The following EPS8 variants were observed in gnomAD, a reference collection of about 807,000 sequenced individuals.
EPS8 encodes epidermal growth factor receptor kinase substrate 8.
In EPS8, 42 loss-of-function variants were observed where a neutral mutation model predicts 103.8. That is an observed-to-expected ratio of 0.40 (90% CI 0.32 to 0.52). The LOEUF (loss-of-function observed/expected upper bound fraction) is 0.52, where lower values mean the gene tolerates loss of function less well. Ranked by LOEUF, EPS8 falls within the 20% of genes least tolerant of loss-of-function variation. The pLI, the probability that EPS8 is intolerant of heterozygous loss-of-function variation, is 0.40. For synonymous variants in EPS8, 344 were observed against 344.6 expected (o/e 1.00, Z 0.02); for missense variants, 969 against 1,005.1 (o/e 0.96, Z 0.49).
chr12:15,677,485 A>G (rs529047120), intron 3 of EPS8, among the ~76,000 whole-genome samples: 3 of 152,180 alleles, frequency 2.0e-5, no homozygotes, highest in Non-Finnish European at 4.4e-5. Flanking sequence ...CAGTGCGTAA[A>G]AAACAGTGTG....
intron 12 of EPS8, chr12:15,654,517 T>C (rs1463499326): frequency 1.8e-6 from 1 of 548,326 alleles, no homozygotes; most frequent in African/African-American, 1.9e-5. Context: ...TTAACAACTT[T>C]CACAGCATCT....
chr12:15,643,881 G>A (rs1237850586), intron 15 of EPS8, among the ~76,000 whole-genome samples: 1 of 151,982 alleles, frequency 6.6e-6, no homozygotes, highest in Non-Finnish European at 1.5e-5. Context: ...GCAGTAATTT[G>A]AGAACTTCTC....
In EPS8 at chr12:15,725,097, T is replaced by C. The variant is rs377455172; in HGVS notation, c.-21-42125A>G. Reference sequence around the variant, plus strand: ...GAAAAAAAAAAATCCACTTTCTTTTTCAAGGTAAATGTCATTCTGCATTCC... The same window carrying C: ...GAAAAAAAAAAATCCACTTTCTTTTCCAAGGTAAATGTCATTCTGCATTCC... On this transcript the variant is annotated intron_variant, in intron 1 of 20. Coordinates refer to ENST00000281172, the MANE Select transcript of EPS8 (RefSeq NM_004447.6). This position sits in a 1 kb window ranked among gnomAD's most constrained non-coding sequence, Gnocchi z 4.5. Among the ~76,000 whole-genome samples, 7 of 152,236 alleles carry C rather than the reference T, an allele frequency of 4.6e-5. No individual in the cohort carries two copies. The East Asian group carries it at 9.6e-4, about 21-fold the overall frequency.
At chr12:15,632,575 T>C (rs747453099) in intron 17 of EPS8, among the ~76,000 whole-genome samples, 3 of 152,234 alleles carry the variant, frequency 2.0e-5, no homozygotes, top group African/African-American at 7.2e-5. Context: ...GTTTAGATAC[T>C]GCACTGGCAC....
chr12:15,666,578 G>T, intron 6 of EPS8, 56 bp from the exon 7 acceptor site: 1 of 1,275,874 alleles, frequency 7.8e-7, no homozygotes, highest in Non-Finnish European at 1.1e-6. Flanking sequence ...GTCTTGATAT[G>T]TAGTTTAAAA....
chr12:15,643,082 T>A (rs2135760621), intron 15 of EPS8, among the ~76,000 whole-genome samples: 1 of 152,300 alleles, frequency 6.6e-6, no homozygotes, highest in South Asian at 2.1e-4. Flanking sequence ...CCTACTGGAA[T>A]AGCTCTGCTT....
At chr12:15,685,237 A>G (rs1362185083) in intron 1 of EPS8, among the ~76,000 whole-genome samples, 3 of 152,190 alleles carry the variant, frequency 2.0e-5, no homozygotes, top group Non-Finnish European at 2.9e-5. Context: ...AGGAAAGTCA[A>G]TTAAGCCTCT....
rs201331879 is a variant in EPS8, at chr12:15,681,305, GTAATAA to G, written c.60-9_60-4del. The G allele has an allele frequency of 2.0e-3, 2,164 of 1,082,266 alleles. 26 individuals carry two copies. The African/African-American group carries it at 0.029, about 15-fold the overall frequency. The allele number at this position is 1,082,266 out of a possible 1,614,324, so 67.0% of individuals were successfully genotyped here. A position where few individuals can be genotyped will look rare whatever the true frequency, so the allele number is the denominator to read the frequency against. On this transcript the variant is annotated splice_polypyrimidine_tract_variant and splice_region_variant and intron_variant, in intron 2 of 20. Transcript: ENST00000281172. ...AGGTAGGTGATGATCCGTAGCCACT[GTAATAA>G]TAATAATAATAATAATAATAATAAT...
At chr12:15,741,052 C>A (rs1946816056) in intron 1 of EPS8, among the ~76,000 whole-genome samples, 2 of 152,154 alleles carry the variant, frequency 1.3e-5, no homozygotes, top group Admixed American at 1.3e-4. Flanking sequence ...AAAGAAGACC[C>A]TACCCAGAGA....
In EPS8 at chr12:15,734,023, A is replaced by G. The variant is rs1032091732; in HGVS notation, c.-21-51051T>C. Among the ~76,000 whole-genome samples, 1 of 151,822 alleles carries G rather than the reference A, an allele frequency of 6.6e-6. No individual in the cohort carries two copies. Among genetic ancestry groups the G allele is most frequent in the Non-Finnish European group, 1.5e-5 (1 of 67,966 alleles). On this transcript the variant is annotated intron_variant, in intron 1 of 20. Coordinates refer to ENST00000281172, the MANE Select transcript of EPS8 (RefSeq NM_004447.6). This position sits in a 1 kb window ranked among gnomAD's most constrained non-coding sequence, Gnocchi z 4.1. The stretch of plus-strand genomic sequence containing the variant: ...CTCAGCTAATTTTTGTATTTTTTGT[A>G]GAGAAAGGGTCTCTCCATGTTGCCC...
chr12:15,740,113 A>G lies in EPS8; in HGVS notation c.-22+49048T>C, dbSNP rs149781957. 5.5e-3 allele frequency among the ~76,000 whole-genome samples: 842 copies of G among 152,296 alleles called. 9 individuals carry two copies. The highest frequency in any genetic ancestry group is 0.014 in the Middle Eastern group (4 of 294). ...GGAGCAGACTAGAAATCTTGTGAGC[A>G]AAACACTAGAAAAAAAAATCAAACT... On this transcript the variant is annotated intron_variant, in intron 1 of 20. Coordinates refer to ENST00000281172, the MANE Select transcript of EPS8 (RefSeq NM_004447.6).
intron 3 of EPS8, among the ~76,000 whole-genome samples, chr12:15,674,862 G>T (rs1334630066): frequency 7.2e-6 from 1 of 139,812 alleles, no homozygotes; most frequent in Non-Finnish European, 1.6e-5. Context: ...TAAAAAAAAA[G>T]ATTTCAATGT....
intron 12 of EPS8, 134 bp downstream of exon 12, chr12:15,657,945 G>A: frequency 4.7e-6 from 3 of 635,970 alleles, no homozygotes; most frequent in Non-Finnish European, 8.3e-6. Context: ...TTACATTCTT[G>A]ATGTTTACAC....
Position 15,776,878 on chromosome 12 carries a change from T to C in EPS8, c.-22+12283A>G, listed in dbSNP as rs573697971. Among the ~76,000 whole-genome samples the C allele has an allele frequency of 3.7e-4, 56 of 152,360 alleles. 2 individuals are homozygous for C. Among genetic ancestry groups the C allele is most frequent in the South Asian group, 2.3e-3 (11 of 4,830 alleles). On this transcript the variant is annotated intron_variant, in intron 1 of 20. Transcript: ENST00000281172. This position sits in a 1 kb window ranked among gnomAD's most constrained non-coding sequence, Gnocchi z 4.2. ...TTAGTTTGGAATCTTATTGAAAATT[T>C]CATATTTCCCAGTAATGATAGTTTG... is the stretch of plus-strand genomic sequence containing the variant.
chr12:15,707,132 T>C (rs1360402432), intron 1 of EPS8, among the ~76,000 whole-genome samples: 1 of 152,186 alleles, frequency 6.6e-6, no homozygotes, highest in Non-Finnish European at 1.5e-5. Flanking sequence ...AATATTACAC[T>C]TTACAGTACC....
In EPS8 at chr12:15,763,702, C is replaced by A. The variant is rs149820111; in HGVS notation, c.-22+25459G>T. ...ATATATGCACACGCTGCATGGCACT[C>A]TTCTTTCTCCATCCTGTTTATGAAA... On this transcript the variant is annotated intron_variant, in intron 1 of 20. Transcript: ENST00000281172. Among the ~76,000 whole-genome samples the A allele has an allele frequency of 2.5e-3, 384 of 152,316 alleles. 3 individuals are homozygous for A. Among genetic ancestry groups the A allele is most frequent in the African/African-American group, 7.7e-3 (319 of 41,556 alleles).
At chr12:15,675,122 T>C (rs1804430720) in intron 3 of EPS8, among the ~76,000 whole-genome samples, 1 of 152,208 alleles carries the variant, frequency 6.6e-6, no homozygotes, top group Non-Finnish European at 1.5e-5. Context: ...AAGAGTTGAA[T>C]CAAGCACTGT....
intron 17 of EPS8, among the ~76,000 whole-genome samples, chr12:15,633,546 C>A (rs1945084991): frequency 6.6e-6 from 1 of 152,164 alleles, no homozygotes; most frequent in South Asian, 2.1e-4. Context: ...CTGTCACAAT[C>A]AAGCCTGAAA....
rs1947325180 is a variant in EPS8 at position 15,787,742 on chromosome 12, T to A, written c.-22+1419A>T. On this transcript the variant is annotated intron_variant, in intron 1 of 20. Transcript: ENST00000281172. The surrounding 1 kb of genome is among the most constrained non-coding windows in gnomAD (Gnocchi z 4.9). ...ATTCTGCAATAAAGGCATTATATTA[T>A]CACTATTGCATTTGTGATACATTCT... Among the ~76,000 whole-genome samples the A allele has an allele frequency of 6.6e-6, 1 of 152,122 alleles. No individual in the cohort carries two copies. Among genetic ancestry groups the A allele is most frequent in the African/African-American group, 2.4e-5 (1 of 41,358 alleles).
Sources: allele counts gnomAD v4.1 joint callset (sites outside exome capture counted in the v4.1 genomes callset), GRCh38; gene constraint gnomAD v4.1.1; non-coding constraint Gnocchi (gnomAD v3.1); transcripts MANE v1.5; gene names NCBI Gene and HGNC (gene_info 2026-07-23, HGNC 2026-07-21).